The following COPG2 variants were observed in gnomAD, a reference collection of about 807,000 sequenced individuals.
COPG2 encodes coatomer subunit gamma-2.
Under a neutral mutation model 46.3 loss-of-function variants are expected in COPG2, and 37 were observed. The observed-to-expected ratio is 0.80, with a 90% CI of 0.61 to 1.05. The LOEUF is 1.05. Among genes scored for constraint, COPG2 ranks in the 50% least tolerant of loss-of-function variants. The pLI is 0.00. For synonymous variants in COPG2, 159 were observed against 129.7 expected, an observed-to-expected ratio of 1.23 and a Z score of -1.53; for missense variants, 427 against 387.8, an observed-to-expected ratio of 1.10 and a Z score of -0.85.
chr7:130,588,220 T>C (rs1412891794), intron 9 of COPG2, among the ~76,000 whole-genome samples: 2 of 151,864 alleles, frequency 1.3e-5, no homozygotes, highest in African/African-American at 4.8e-5. Context: ...AGTTCAACCA[T>C]TGTGGAAGTC....
intron 20 of COPG2, among the ~76,000 whole-genome samples, chr7:130,535,426 A>G (rs1799868994): frequency 6.6e-6 from 1 of 151,892 alleles, no homozygotes; most frequent in African/African-American, 2.4e-5. Context: ...CCACAGGTGA[A>G]GCGAGGTGAA....
At chr7:130,508,698 T>C (rs781803763) in intron 20 of COPG2, 39 bp from the exon 21 acceptor site, 1 of 714,112 alleles carries the variant, frequency 1.4e-6, no homozygotes, top group Non-Finnish European at 2.6e-6. Context: ...CAGTGGGGAG[T>C]GCAAGGGAGA....
At chr7:130,548,964 C>T (rs1199351712) in intron 18 of COPG2, among the ~76,000 whole-genome samples, 2 of 147,928 alleles carry the variant, frequency 1.4e-5, no homozygotes, top group South Asian at 2.1e-4. Flanking sequence ...AATAGTTGAA[C>T]ATTCAACTAA....
At chr7:130,601,514 G>A (rs1486933593) in intron 9 of COPG2, among the ~76,000 whole-genome samples, 1 of 152,098 alleles carries the variant, frequency 6.6e-6, no homozygotes, top group Admixed American at 6.6e-5. Flanking sequence ...TCCTTTGCAG[G>A]GACACGGATG....
chr7:130,564,782 A>G (rs1793776308), intron 9 of COPG2, among the ~76,000 whole-genome samples: 2 of 152,186 alleles, frequency 1.3e-5, no homozygotes, highest in Admixed American at 1.3e-4. Context: ...CCTAGCTACA[A>G]AAGCAGCTCT....
intron 6 of COPG2, among the ~76,000 whole-genome samples, chr7:130,615,745 T>A (rs1367760190): frequency 1.3e-5 from 2 of 152,192 alleles, no homozygotes. Context: ...TTCACAATAC[T>A]GTTTGGTGGC....
At chr7:130,533,646 G>A (rs1377675245) in intron 20 of COPG2, among the ~76,000 whole-genome samples, 1 of 152,098 alleles carries the variant, frequency 6.6e-6, no homozygotes, top group Non-Finnish European at 1.5e-5. Context: ...GTAGATGAAT[G>A]AATACAGCAT....
intron 22 of COPG2, 94 bp from the exon 23 acceptor site, chr7:130,507,466 TTTGTTGGTGAAGGGGG>T: frequency 1.3e-6 from 1 of 744,402 alleles, no homozygotes; most frequent in Admixed American, 1.8e-5. Context: ...GGTGGAAGGG[TTTGTTGGTGAAGGGGG>T]TTGTTGGTGA....
chr7:130,519,653 T>C (rs1799709053), intron 20 of COPG2, among the ~76,000 whole-genome samples: 1 of 152,132 alleles, frequency 6.6e-6, no homozygotes, highest in East Asian at 1.9e-4. Flanking sequence ...AAGACATTAT[T>C]TGAATAGTCA....
chr7:130,570,944 C>T (rs1461841793), intron 9 of COPG2, among the ~76,000 whole-genome samples: 2 of 151,966 alleles, frequency 1.3e-5, no homozygotes, highest in African/African-American at 4.8e-5. Context: ...AAACATAAAG[C>T]GGGGAAAGGA....
At chr7:130,526,036 G>A (rs1799771256) in intron 20 of COPG2, among the ~76,000 whole-genome samples, 1 of 152,058 alleles carries the variant, frequency 6.6e-6, no homozygotes, top group Non-Finnish European at 1.5e-5. Flanking sequence ...GGCCGCACCT[G>A]AGGTAAATGG....
chr7:130,633,952 C>T (rs1465084287), intron 5 of COPG2, among the ~76,000 whole-genome samples: 2 of 152,108 alleles, frequency 1.3e-5, no homozygotes, highest in Admixed American at 1.3e-4. Flanking sequence ...AGCCAGTTTT[C>T]CCAACATCAT....
At chr7:130,508,025 TC>T in intron 21 of COPG2, 1 of 538,936 alleles carries the variant, frequency 1.9e-6, no homozygotes, top group South Asian at 2.3e-5. Flanking sequence ...GAGCCTCAGA[TC>T]AACATCTGTA....
intron 5 of COPG2, among the ~76,000 whole-genome samples, chr7:130,639,174 G>T (rs782785847): frequency 6.6e-6 from 1 of 152,094 alleles, no homozygotes; most frequent in African/African-American, 2.4e-5. Context: ...GTTCCTATTC[G>T]GCCATCTTGC....
chr7:130,574,940 A>T (rs1469706203), intron 9 of COPG2, among the ~76,000 whole-genome samples: 2 of 152,198 alleles, frequency 1.3e-5, no homozygotes, highest in African/African-American at 4.8e-5. Context: ...GAATTGAACA[A>T]GTAGAAGAAA....
intron 9 of COPG2, among the ~76,000 whole-genome samples, chr7:130,609,923 T>C (rs1318347697): frequency 1.3e-5 from 2 of 152,262 alleles, no homozygotes; most frequent in Admixed American, 1.3e-4. Flanking sequence ...AGTGGAAAGA[T>C]GTAATTTACA....
chr7:130,513,379 GTGTGTGTGTGTA>G (rs1563034227), intron 20 of COPG2, among the ~76,000 whole-genome samples: 51 of 91,556 alleles, frequency 5.6e-4, no homozygotes, highest in Non-Finnish European at 8.3e-4. Flanking sequence ...ATATATATGT[GTGTGTGTGTGTA>G]TATATATATA....
intron 9 of COPG2, among the ~76,000 whole-genome samples, chr7:130,597,144 C>T (rs1794544709): frequency 6.6e-6 from 1 of 152,194 alleles, no homozygotes; most frequent in Admixed American, 6.5e-5. Flanking sequence ...AAATGTACCC[C>T]CAGACTCCTG....
At chr7:130,567,598 A>G (rs974962428) in intron 9 of COPG2, among the ~76,000 whole-genome samples, 1 of 152,204 alleles carries the variant, frequency 6.6e-6, no homozygotes, top group Admixed American at 6.5e-5. Flanking sequence ...AACCTACCAG[A>G]TTAACAGCAG....
Sources: gnomAD v4.1 joint callset for allele counts (sites outside exome capture counted in the v4.1 genomes callset) on GRCh38, gnomAD v4.1.1 for gene constraint, MANE v1.5 for transcripts, NCBI Gene and HGNC (gene_info 2026-07-23, HGNC 2026-07-21) for gene names.